Variants in UBE2E2 observed in about 807,000 individuals in gnomAD.
The protein encoded by UBE2E2 is ubiquitin-conjugating enzyme E2 E2.
In UBE2E2, 6 loss-of-function variants were observed where a neutral mutation model predicts 24.7. The observed-to-expected ratio is 0.24, with a 90% CI of 0.13 to 0.48. UBE2E2 has a LOEUF of 0.48. UBE2E2 is among the 20% of genes least tolerant of loss of function. The pLI, the probability that UBE2E2 is intolerant of heterozygous loss-of-function variation, is 0.99. For synonymous variants in UBE2E2, 104 were observed against 83.6 expected, an observed-to-expected ratio of 1.24 and a Z score of -1.33; for missense variants, 169 against 245.0, an observed-to-expected ratio of 0.69 and a Z score of 2.07.
At chr3:23,385,858 A>G (rs1325127092) in intron 3 of UBE2E2, among the ~76,000 whole-genome samples, 1 of 152,220 alleles carries the variant, frequency 6.6e-6, no homozygotes, top group Non-Finnish European at 1.5e-5. Flanking sequence ...ACATTCCAAA[A>G]ATAGGTAACA....
At chr3:23,573,775 A>T (rs1241224546) in intron 5 of UBE2E2, among the ~76,000 whole-genome samples, 2 of 152,202 alleles carry the variant, frequency 1.3e-5, no homozygotes, top group Non-Finnish European at 2.9e-5. Flanking sequence ...AGCTGATTAA[A>T]AGCGTGGATT....
intron 3 of UBE2E2, among the ~76,000 whole-genome samples, chr3:23,468,559 T>G (rs562667452): frequency 4.3e-4 from 65 of 152,214 alleles, no homozygotes; most frequent in Non-Finnish European, 7.1e-4. Flanking sequence ...GGAAATGTAA[T>G]GGAGAAAAGA....
At chr3:23,554,029 T>A (rs1453850127) in intron 5 of UBE2E2, among the ~76,000 whole-genome samples, 1 of 151,942 alleles carries the variant, frequency 6.6e-6, no homozygotes, top group East Asian at 1.9e-4. Flanking sequence ...ATTGTTCACA[T>A]AAATTTAAAA....
chr3:23,463,384 A>C (rs1698853480), intron 3 of UBE2E2, among the ~76,000 whole-genome samples: 1 of 152,106 alleles, frequency 6.6e-6, no homozygotes, highest in Admixed American at 6.6e-5. Flanking sequence ...CTGAATATCC[A>C]GGTCAGTTTA....
chr3:23,438,178 A>G (rs1415787210), intron 3 of UBE2E2, among the ~76,000 whole-genome samples: 1 of 152,238 alleles, frequency 6.6e-6, no homozygotes, highest in Admixed American at 6.5e-5. Context: ...TGAGTAAAGC[A>G]AGAAAGGTGT....
chr3:23,400,606 A>AC (rs1697194946), intron 3 of UBE2E2, among the ~76,000 whole-genome samples: 2 of 124,506 alleles, frequency 1.6e-5, no homozygotes, highest in African/African-American at 7.1e-5. Context: ...AGAATAAATG[A>AC]AACACACACA....
intron 5 of UBE2E2, among the ~76,000 whole-genome samples, chr3:23,584,278 G>A (rs1192692209): frequency 6.6e-6 from 1 of 152,162 alleles, no homozygotes; most frequent in African/African-American, 2.4e-5. Context: ...TGATCATGGT[G>A]GATTTGCTTT....
chr3:23,367,541 G>A (rs1020833302), intron 3 of UBE2E2, among the ~76,000 whole-genome samples: 17 of 152,180 alleles, frequency 1.1e-4, no homozygotes, highest in Non-Finnish European at 2.1e-4. Flanking sequence ...GTATGCCCAG[G>A]AAAGGCATGG....
At chr3:23,540,246 C>T (rs1695359598) in intron 5 of UBE2E2, among the ~76,000 whole-genome samples, 1 of 152,110 alleles carries the variant, frequency 6.6e-6, no homozygotes, top group East Asian at 1.9e-4. Context: ...TCATGAAAAC[C>T]ATTTTTAAAC....
rs570153750 is a variant in UBE2E2, at chr3:23,332,958, C to T, written c.227+115646C>T. On this transcript the variant is annotated intron_variant, in intron 3 of 5. Coordinates refer to ENST00000396703, the MANE Select transcript of UBE2E2 (RefSeq NM_152653.4). ...CCCTGGAAAATACAGCTATACGTTT[C>T]GTTTTACAGGTGATAAAAGCCTCTA... 9.9e-5 allele frequency among the ~76,000 whole-genome samples: 15 copies of T among 152,206 alleles called. No homozygotes were observed. The South Asian group carries it at 1.9e-3, about 19-fold the overall frequency.
chr3:23,354,504 A>C (rs1373691781), intron 3 of UBE2E2, among the ~76,000 whole-genome samples: 1 of 152,252 alleles, frequency 6.6e-6, no homozygotes, highest in Non-Finnish European at 1.5e-5. Context: ...GCTAATATCC[A>C]GAATCTACAA....
At chr3:23,568,608 T>C (rs1696138811) in intron 5 of UBE2E2, among the ~76,000 whole-genome samples, 1 of 3,186 alleles carries the variant, frequency 3.1e-4, no homozygotes, top group Non-Finnish European at 5.4e-4. Context: ...TATGTATACA[T>C]ATATACACAC....
chr3:23,588,617 G>C (rs753820107), intron 5 of UBE2E2, among the ~76,000 whole-genome samples: 1 of 151,702 alleles, frequency 6.6e-6, no homozygotes, highest in African/African-American at 2.4e-5. Flanking sequence ...CAATATTCTG[G>C]ATAGAGAGCT....
In UBE2E2 at chr3:23,425,119, C is replaced by G. The variant is rs188177869; in HGVS notation, c.228-74489C>G. 8.5e-5 allele frequency among the ~76,000 whole-genome samples: 13 copies of G among 152,286 alleles called. No individual in the cohort carries two copies. In the East Asian group the frequency reaches 2.5e-3, roughly 29 times the overall value. ...CTTGCCTCAGATTTTAAAGCAAATT[C>G]CAAGTGTCAATCCTTTCCTTATAAA... On this transcript the variant is annotated intron_variant, in intron 3 of 5. Transcript: ENST00000396703.
intron 2 of UBE2E2, among the ~76,000 whole-genome samples, chr3:23,213,977 A>G (rs565247138): frequency 1.3e-5 from 2 of 152,332 alleles, no homozygotes; most frequent in African/African-American, 2.4e-5. Context: ...AATACATACC[A>G]TAATCACAAC....
chr3:23,425,237 A>T (rs1697897820), intron 3 of UBE2E2, among the ~76,000 whole-genome samples: 3 of 152,186 alleles, frequency 2.0e-5, no homozygotes, highest in Admixed American at 2.0e-4. Context: ...TTAGTTGCAG[A>T]TAAGAAGTAG....
At chr3:23,489,679 A>G (rs556535586) in intron 3 of UBE2E2, among the ~76,000 whole-genome samples, 3 of 152,324 alleles carry the variant, frequency 2.0e-5, no homozygotes, top group East Asian at 3.9e-4. Context: ...GCCTGTAAAT[A>G]CACATGAAGC....
At chr3:23,332,965 C>A (rs904256807) in intron 3 of UBE2E2, among the ~76,000 whole-genome samples, 12 of 152,166 alleles carry the variant, frequency 7.9e-5, no homozygotes, top group Non-Finnish European at 7.3e-5. Flanking sequence ...TTTCGTTTTA[C>A]AGGTGATAAA....
intron 3 of UBE2E2, among the ~76,000 whole-genome samples, chr3:23,430,425 T>G (rs1698032572): frequency 6.6e-6 from 1 of 152,120 alleles, no homozygotes; most frequent in Non-Finnish European, 1.5e-5. Flanking sequence ...GTTACAAGAT[T>G]AAGAGTTCAT....
Sources: gnomAD v4.1 joint callset for allele counts (sites outside exome capture counted in the v4.1 genomes callset) on GRCh38, gnomAD v4.1.1 for gene constraint, MANE v1.5 for transcripts, NCBI Gene and HGNC (gene_info 2026-07-23, HGNC 2026-07-21) for gene names.